The following DDX10 variants were observed in gnomAD, a reference collection of about 807,000 sequenced individuals.
The protein encoded by DDX10 is probable ATP-dependent RNA helicase DDX10.
A neutral mutation model predicts 104.3 loss-of-function variants in DDX10; 74 were observed. That is an observed-to-expected ratio of 0.71 (90% CI 0.59 to 0.86). The LOEUF (loss-of-function observed/expected upper bound fraction) is 0.86, where lower values mean the gene tolerates loss of function less well. DDX10 is among the 40% of genes least tolerant of loss of function. DDX10 has a pLI of 0.00. For missense variants in DDX10, 952 were observed against 1,040.0 expected (o/e 0.92, Z 1.16); for synonymous variants, 351 against 353.4 (o/e 0.99, Z 0.08).
chr11:108,838,536 A>T lies in DDX10; in HGVS notation c.2056A>T (p.Lys686Ter). The T allele has an allele frequency of 6.2e-7, 1 of 1,611,806 alleles. No homozygotes were observed. Among genetic ancestry groups the T allele is most frequent in the East Asian group, 2.2e-5 (1 of 44,750 alleles). ...AATGAAGAGAAATTTTAAAGTGAAT[A>T]AGAAGATAACATTTACTGATGAAGG... is the stretch of plus-strand genomic sequence containing the variant. ...KVMKRNFKVN[K>*]KITFTDEGEL... Residue 686 changes from lysine (K) to a stop codon, truncating the protein, a stop_gained, in exon 14 of 18, where the codon AAG becomes TAG. Coordinates refer to ENST00000322536, the MANE Select transcript of DDX10 (RefSeq NM_004398.4). LOFTEE classifies it high-confidence loss of function.
At chr11:108,879,727 G>A (rs957647919) in intron 16 of DDX10, among the ~76,000 whole-genome samples, 26 of 152,144 alleles carry the variant, frequency 1.7e-4, no homozygotes, top group African/African-American at 6.3e-4. Context: ...ATTAGAAATA[G>A]AATAAGAGTG....
intron 13 of DDX10, among the ~76,000 whole-genome samples, chr11:108,795,573 T>C (rs528143138): frequency 4.2e-4 from 60 of 142,986 alleles, no homozygotes; most frequent in African/African-American, 1.5e-3. Flanking sequence ...TTCCCACCTA[T>C]GAGTGAGAAC....
intron 1 of DDX10, among the ~76,000 whole-genome samples, chr11:108,673,193 C>T (rs150951843): frequency 6.6e-6 from 1 of 152,248 alleles, no homozygotes; most frequent in African/African-American, 2.4e-5. Context: ...CTGTGTTCAA[C>T]ATTTTGGAGG....
chr11:108,785,726 T>G (rs1239630674), intron 13 of DDX10, among the ~76,000 whole-genome samples: 1 of 152,174 alleles, frequency 6.6e-6, no homozygotes, highest in Non-Finnish European at 1.5e-5. Context: ...GTAAAGGTGT[T>G]CATAATCGTC....
intron 16 of DDX10, among the ~76,000 whole-genome samples, chr11:108,868,517 A>G (rs1041363851): frequency 1.3e-4 from 19 of 152,000 alleles, no homozygotes; most frequent in African/African-American, 4.6e-4. Flanking sequence ...AGAATTTTCC[A>G]TTTCATTCTA....
At position 108,781,379 on chromosome 11, in the gene DDX10, G is replaced by T. The variant is rs528806982; in HGVS notation, c.1966-57067G>T. Among the ~76,000 whole-genome samples, 6 of 152,270 alleles carry T rather than the reference G, an allele frequency of 3.9e-5. No homozygotes were observed. In the East Asian group the frequency reaches 1.2e-3, roughly 29 times the overall value. On this transcript the variant is annotated intron_variant, in intron 13 of 17. Coordinates refer to ENST00000322536, the MANE Select transcript of DDX10 (RefSeq NM_004398.4). The stretch of plus-strand genomic sequence containing the variant: ...CATGGCATTGAACATGTGAGTGCAT[G>T]TGTCTTTTTGGTATAATGATCTATT...
chr11:108,804,122 T>C (rs1381683792), intron 13 of DDX10, among the ~76,000 whole-genome samples: 1 of 152,164 alleles, frequency 6.6e-6, no homozygotes. Context: ...ATTGAGGGCA[T>C]TGTACATCAG....
chr11:108,926,607 G>C (rs1236565330), intron 17 of DDX10, among the ~76,000 whole-genome samples: 1 of 152,192 alleles, frequency 6.6e-6, no homozygotes, highest in Non-Finnish European at 1.5e-5. Context: ...TGAGCAGCTA[G>C]AAAAGAGACA....
intron 16 of DDX10, among the ~76,000 whole-genome samples, chr11:108,898,706 A>G (rs981115485): frequency 3.3e-5 from 5 of 151,712 alleles, no homozygotes; most frequent in African/African-American, 4.8e-5. Context: ...CCACTCAACC[A>G]GATTCCATAT....
At chr11:108,929,066 A>T (rs754463368) in intron 17 of DDX10, among the ~76,000 whole-genome samples, 7 of 152,252 alleles carry the variant, frequency 4.6e-5, no homozygotes, top group Non-Finnish European at 1.0e-4. Flanking sequence ...GAGTGTAGGA[A>T]TGCCCTTACC....
intron 16 of DDX10, among the ~76,000 whole-genome samples, chr11:108,915,667 C>G (rs1863738142): frequency 6.6e-6 from 1 of 152,012 alleles, no homozygotes; most frequent in Admixed American, 6.6e-5. Flanking sequence ...TTTAATGTAA[C>G]AAATTTCAAA....
At chr11:108,778,954 C>T (rs1246968888) in intron 13 of DDX10, among the ~76,000 whole-genome samples, 1 of 152,304 alleles carries the variant, frequency 6.6e-6, no homozygotes, top group South Asian at 2.1e-4. Flanking sequence ...CATCACTGGC[C>T]ATCAGAGAAA....
At chr11:108,820,973 T>G (rs953670765) in intron 13 of DDX10, among the ~76,000 whole-genome samples, 2 of 152,276 alleles carry the variant, frequency 1.3e-5, no homozygotes, top group Non-Finnish European at 1.5e-5. Context: ...TCAAAGAAAA[T>G]TGATCTTGAT....
intron 14 of DDX10, among the ~76,000 whole-genome samples, chr11:108,840,834 T>TCAA (rs1862627070): frequency 6.6e-6 from 1 of 152,184 alleles, no homozygotes; most frequent in Admixed American, 6.5e-5. Context: ...ACAACTGCCC[T>TCAA]CAAGGAGATT....
intron 16 of DDX10, among the ~76,000 whole-genome samples, chr11:108,900,473 C>G (rs969187585): frequency 6.6e-6 from 1 of 152,230 alleles, no homozygotes; most frequent in Admixed American, 6.5e-5. Flanking sequence ...TCTGCTAACA[C>G]AAACAATGGC....
At chr11:108,698,189 T>G (rs1164698658) in intron 9 of DDX10, among the ~76,000 whole-genome samples, 1 of 152,224 alleles carries the variant, frequency 6.6e-6, no homozygotes, top group East Asian at 1.9e-4. Context: ...TGTGGGAGAA[T>G]ACTGGTACTT....
At chr11:108,911,553 CTTCTTTTTT>C (rs1370053780) in intron 16 of DDX10, among the ~76,000 whole-genome samples, 12,509 of 116,838 alleles carry the variant, frequency 0.11, 971 homozygotes, top group East Asian at 0.18. Flanking sequence ...TTTGCCTCCT[CTTCTTTTTT>C]TTTTTTTTTT....
At chr11:108,846,180 T>C (rs995049071) in intron 15 of DDX10, among the ~76,000 whole-genome samples, 3 of 152,240 alleles carry the variant, frequency 2.0e-5, no homozygotes, top group Non-Finnish European at 2.9e-5. Context: ...CAATGAGATA[T>C]GTCATTACAT....
intron 15 of DDX10, among the ~76,000 whole-genome samples, chr11:108,848,806 T>C (rs1438072780): frequency 6.6e-6 from 1 of 152,030 alleles, no homozygotes; most frequent in East Asian, 1.9e-4. Context: ...AGGTAGAGAT[T>C]GGGGTTGAGG....
Sources: gnomAD v4.1 joint callset for allele counts (sites outside exome capture counted in the v4.1 genomes callset) on GRCh38, gnomAD v4.1.1 for gene constraint, MANE v1.5 for transcripts, NCBI Gene and HGNC (gene_info 2026-07-23, HGNC 2026-07-21) for gene names.